Variants in GRM1 observed in about 807,000 individuals in gnomAD.
The protein encoded by GRM1 is metabotropic glutamate receptor 1.
GRM1 carries 33 observed loss-of-function variants against 90.9 expected under a neutral mutation model. The observed-to-expected ratio is 0.36, with a 90% CI of 0.28 to 0.49. GRM1 has a LOEUF of 0.49. Among genes scored for constraint, GRM1 ranks in the 20% least tolerant of loss-of-function variants. The probability of loss-of-function intolerance (pLI) is 0.99; values close to 1 mark genes in which losing one functional copy is unlikely to be tolerated. For missense variants in GRM1, 1,190 were observed against 1,534.3 expected, an observed-to-expected ratio of 0.78 and a Z score of 3.75; for synonymous variants, 700 against 613.2, an observed-to-expected ratio of 1.14 and a Z score of -2.09.
At chr6:146,246,415 G>A (rs1781061537) in intron 2 of GRM1, among the ~76,000 whole-genome samples, 1 of 152,170 alleles carries the variant, frequency 6.6e-6, no homozygotes, top group Admixed American at 6.6e-5. Context: ...ATGGCTCTTT[G>A]TAATAGCTTT....
intron 7 of GRM1, among the ~76,000 whole-genome samples, chr6:146,411,841 C>T (rs1336946482): frequency 1.3e-5 from 2 of 152,154 alleles, no homozygotes; most frequent in Non-Finnish European, 2.9e-5. Context: ...AAAAGTTGAA[C>T]TATCACCAGA....
chr6:146,290,322 CA>C lies in GRM1; in HGVS notation c.951-14287del, dbSNP rs1240931978. Among the ~76,000 whole-genome samples, 3 of 152,098 alleles carry C rather than the reference CA, an allele frequency of 2.0e-5. No individual in the cohort carries two copies. In the East Asian group the frequency reaches 5.8e-4, roughly 29 times the overall value. On this transcript the variant is annotated intron_variant, in intron 2 of 7. Transcript: ENST00000282753. Reference sequence around the variant, plus strand: ...ATGGGAAACATTTTCTTGACGTACACAAGGTTCTTCAGAATTTCTTAACAAC... The same window carrying C: ...ATGGGAAACATTTTCTTGACGTACACAGGTTCTTCAGAATTTCTTAACAAC...
In GRM1 at chr6:146,435,642, C is replaced by G. The variant is rs1368770965; in HGVS notation, c.*846C>G. The G allele has an allele frequency of 6.6e-6, 1 of 152,624 alleles. No homozygotes were observed. Among genetic ancestry groups the G allele is most frequent in the African/African-American group, 2.4e-5 (1 of 41,438 alleles). The allele number at this position is 152,624 out of a possible 1,614,324, so 9.5% of individuals were successfully genotyped here. On this transcript the variant is annotated 3_prime_UTR_variant, in exon 8 of 8. Transcript: ENST00000282753. ...CTTTGAAAAAAAAACACATGATCAGCTTCTCATGTTCCATATTCACTTATT... is the reference window on the plus strand; with the variant it reads ...CTTTGAAAAAAAAACACATGATCAGGTTCTCATGTTCCATATTCACTTATT...
intron 2 of GRM1, among the ~76,000 whole-genome samples, chr6:146,265,050 G>C (rs1439485554): frequency 6.6e-6 from 1 of 152,068 alleles, no homozygotes; most frequent in Non-Finnish European, 1.5e-5. Flanking sequence ...TAAATACCCA[G>C]GAGTGAGATT....
intron 7 of GRM1, among the ~76,000 whole-genome samples, chr6:146,427,274 A>G (rs1321243730): frequency 6.6e-6 from 1 of 152,184 alleles, no homozygotes; most frequent in Non-Finnish European, 1.5e-5. Context: ...GATAAAAATG[A>G]TGCATGTTTG....
chr6:146,286,639 G>C (rs1030785495), intron 2 of GRM1, among the ~76,000 whole-genome samples: 1 of 152,118 alleles, frequency 6.6e-6, no homozygotes. Context: ...CAACTGAAAG[G>C]GCTTCATGTT....
At chr6:146,068,939 A>T (rs575737337) in intron 1 of GRM1, among the ~76,000 whole-genome samples, 196 of 152,354 alleles carry the variant, frequency 1.3e-3, no homozygotes, top group Non-Finnish European at 2.0e-3. Context: ...ATTTCCTTTT[A>T]AATTTTTAAT....
intron 1 of GRM1, among the ~76,000 whole-genome samples, chr6:146,043,802 T>TATATATATATATATAG (rs1554260536): frequency 1.4e-5 from 2 of 142,892 alleles, no homozygotes; most frequent in Non-Finnish European, 3.0e-5. Flanking sequence ...TATATATATA[T>TATATATATATATATAG]ATATATATAA....
intron 3 of GRM1, among the ~76,000 whole-genome samples, chr6:146,339,371 A>T (rs766269383): frequency 6.6e-5 from 10 of 152,180 alleles, no homozygotes; most frequent in Non-Finnish European, 1.3e-4. Flanking sequence ...GACTAAAATA[A>T]TAATCTGAAC....
At chr6:146,325,362 T>C (rs1784366795) in intron 3 of GRM1, among the ~76,000 whole-genome samples, 1 of 152,230 alleles carries the variant, frequency 6.6e-6, no homozygotes, top group African/African-American at 2.4e-5. Context: ...TTTCCTTTCT[T>C]GCATGGGTGT....
intron 2 of GRM1, among the ~76,000 whole-genome samples, chr6:146,267,078 C>T (rs977735351): frequency 2.0e-5 from 3 of 152,104 alleles, no homozygotes; most frequent in African/African-American, 7.2e-5. Flanking sequence ...TGTGTTATTC[C>T]CCCCATGTGT....
intron 1 of GRM1, among the ~76,000 whole-genome samples, chr6:146,120,403 T>C (rs1324499951): frequency 1.3e-5 from 2 of 152,174 alleles, no homozygotes; most frequent in Non-Finnish European, 2.9e-5. Flanking sequence ...TTTGACTTCC[T>C]CTTTTCCTAA....
chr6:146,380,900 G>GT (rs1776295640), intron 5 of GRM1, among the ~76,000 whole-genome samples: 2 of 152,278 alleles, frequency 1.3e-5, no homozygotes, highest in South Asian at 4.1e-4. Flanking sequence ...CCCAGGATGT[G>GT]TATAGAAGTG....
chr6:146,324,218 C>T (rs1229905223), intron 3 of GRM1, among the ~76,000 whole-genome samples: 2 of 152,006 alleles, frequency 1.3e-5, no homozygotes, highest in Admixed American at 6.6e-5. Context: ...CTACTGAAGC[C>T]CCAGTAATGG....
intron 2 of GRM1, among the ~76,000 whole-genome samples, chr6:146,180,611 T>C (rs2114543514): frequency 6.6e-6 from 1 of 152,324 alleles, no homozygotes; most frequent in East Asian, 1.9e-4. Flanking sequence ...CTCTTTGTCA[T>C]ATAGGTTTTG....
chr6:146,150,938 G>GCACACACACACACA (rs143821112), intron 1 of GRM1, among the ~76,000 whole-genome samples: 1 of 150,708 alleles, frequency 6.6e-6, no homozygotes, highest in Non-Finnish European at 1.5e-5. Context: ...GCGTGTGCGC[G>GCACACACACACACA]CACACACACA....
intron 3 of GRM1, among the ~76,000 whole-genome samples, chr6:146,336,520 C>A (rs1247465169): frequency 1.3e-5 from 2 of 152,168 alleles, no homozygotes; most frequent in Non-Finnish European, 2.9e-5. Context: ...CCTGATGAGG[C>A]ATTTCCTGTT....
chr6:146,082,717 T>C (rs1776405610), intron 1 of GRM1, among the ~76,000 whole-genome samples: 1 of 152,206 alleles, frequency 6.6e-6, no homozygotes, highest in South Asian at 2.1e-4. Flanking sequence ...CTGGCACTCA[T>C]ATTTCATCCT....
chr6:146,280,818 G>T (rs1782539788), intron 2 of GRM1, among the ~76,000 whole-genome samples: 1 of 151,864 alleles, frequency 6.6e-6, no homozygotes, highest in Non-Finnish European at 1.5e-5. Context: ...TGTAGAGATA[G>T]GGTCGGACTA....
Sources: gnomAD v4.1 joint callset for allele counts (sites outside exome capture counted in the v4.1 genomes callset) on GRCh38, gnomAD v4.1.1 for gene constraint, MANE v1.5 for transcripts, NCBI Gene and HGNC (gene_info 2026-07-23, HGNC 2026-07-21) for gene names.